MEMO1: variants seen among roughly 807,000 people sequenced by gnomAD.
MEMO1 encodes the protein protein MEMO1.
Under a neutral mutation model 45.2 loss-of-function variants are expected in MEMO1, and 6 were observed. The ratio of observed to expected loss-of-function variants is 0.13; its 90% CI spans 0.07 to 0.26. The LOEUF (loss-of-function observed/expected upper bound fraction) is 0.26, where lower values mean the gene tolerates loss of function less well. Among genes scored for constraint, MEMO1 ranks in the 10% least tolerant of loss-of-function variants. The pLI, the probability that MEMO1 is intolerant of heterozygous loss-of-function variation, is 1.00. For synonymous variants in MEMO1, 78 were observed against 124.3 expected (o/e 0.63, Z 2.48); for missense variants, 184 against 370.5 (o/e 0.50, Z 4.13).
intron 8 of MEMO1, among the ~76,000 whole-genome samples, chr2:31,874,863 T>C (rs1253043417): frequency 6.6e-6 from 1 of 151,878 alleles, no homozygotes; most frequent in African/African-American, 2.4e-5. Context: ...ACATTCACCA[T>C]CTGATTAATC....
intron 2 of MEMO1, among the ~76,000 whole-genome samples, chr2:31,986,425 T>A (rs962595617): frequency 6.6e-6 from 1 of 152,046 alleles, no homozygotes; most frequent in Non-Finnish European, 1.5e-5. Context: ...TGAGCCGAGG[T>A]TGCGCCACTG....
At chr2:32,006,571 T>C (rs1333538171) in intron 2 of MEMO1, among the ~76,000 whole-genome samples, 2 of 149,794 alleles carry the variant, frequency 1.3e-5, no homozygotes, top group Non-Finnish European at 3.0e-5. Flanking sequence ...TAACAACCAT[T>C]CTTAGCTACT....
chr2:32,004,757 T>A (rs532254218), intron 2 of MEMO1, among the ~76,000 whole-genome samples: 1 of 151,928 alleles, frequency 6.6e-6, no homozygotes, highest in East Asian at 1.9e-4. Flanking sequence ...TGAAACCCCA[T>A]CTCTACTAAA....
intron 6 of MEMO1, among the ~76,000 whole-genome samples, chr2:31,908,634 C>A (rs1029850152): frequency 1.1e-4 from 17 of 152,110 alleles, no homozygotes; most frequent in African/African-American, 4.1e-4. Context: ...ATGTGGACTA[C>A]CCTGAGAGAT....
chr2:31,923,638 C>T, intron 4 of MEMO1: 1 of 1,545,316 alleles, frequency 6.5e-7, no homozygotes, highest in Non-Finnish European at 8.7e-7. Context: ...GTATATGAAC[C>T]AAGAATCAAA....
intron 2 of MEMO1, among the ~76,000 whole-genome samples, chr2:32,001,519 T>C (rs1673315293): frequency 6.6e-6 from 1 of 152,202 alleles, no homozygotes; most frequent in Non-Finnish European, 1.5e-5. Flanking sequence ...TGTTTACTGA[T>C]TCCAAATAGT....
intron 7 of MEMO1, among the ~76,000 whole-genome samples, chr2:31,889,497 TTACTAATTTAGGAAAGA>T (rs1227724935): frequency 5.9e-5 from 9 of 152,046 alleles, no homozygotes; most frequent in Admixed American, 5.9e-4. Flanking sequence ...TATGGCACAC[TTACTAATTTAGGAAAGA>T]TACCCATCGC....
chr2:31,995,856 G>T (rs1672532891), intron 2 of MEMO1, among the ~76,000 whole-genome samples: 1 of 152,184 alleles, frequency 6.6e-6, no homozygotes, highest in Middle Eastern at 3.4e-3. Context: ...ATGGTAATAA[G>T]TAAGAAATTG....
At chr2:31,933,346 A>ATATATATATATAT (rs869211483) in intron 3 of MEMO1, among the ~76,000 whole-genome samples, 2 of 25,498 alleles carry the variant, frequency 7.8e-5, no homozygotes, top group African/African-American at 3.2e-4. Flanking sequence ...AAAAAAAAAA[A>ATATATATATATAT]AAATTTATAT....
At chr2:31,979,132 G>C (rs971275536) in intron 2 of MEMO1, among the ~76,000 whole-genome samples, 2 of 152,166 alleles carry the variant, frequency 1.3e-5, no homozygotes, top group Non-Finnish European at 2.9e-5. Flanking sequence ...TCAGGAGAGA[G>C]AAGAGAAAAG....
At chr2:32,001,462 ATGTT>A (rs1389601937) in intron 2 of MEMO1, among the ~76,000 whole-genome samples, 1 of 152,086 alleles carries the variant, frequency 6.6e-6, no homozygotes, top group Non-Finnish European at 1.5e-5. Context: ...GTTTTTAGTT[ATGTT>A]TATTATTTTT....
In MEMO1 at chr2:31,872,016, A is replaced by AACACACACACACACACAC. The variant is rs55682785; in HGVS notation, c.658-2082_658-2065dup. 3.0e-3 allele frequency among the ~76,000 whole-genome samples: 423 copies of AACACACACACACACACAC among 143,296 alleles called. 7 individuals are homozygous for AACACACACACACACACAC. In the Middle Eastern group the frequency reaches 0.032, roughly 11 times the overall value. The allele number at this position is 143,296 out of a possible 152,430, so 94.0% of individuals were successfully genotyped here. On this transcript the variant is annotated intron_variant, in intron 8 of 9. Transcript: ENST00000404530. ...GCGACAGAGCAAGACTCTGTCTCAA[A>AACACACACACACACACAC]ACACACACACACACACACACACACA...
chr2:31,934,042 G>C (rs780065624), intron 3 of MEMO1, among the ~76,000 whole-genome samples: 1 of 152,132 alleles, frequency 6.6e-6, no homozygotes, highest in Non-Finnish European at 1.5e-5. Flanking sequence ...CAGTTTATAA[G>C]TACGCCATCT....
At chr2:31,985,058 T>G (rs1671105213) in intron 2 of MEMO1, among the ~76,000 whole-genome samples, 1 of 152,136 alleles carries the variant, frequency 6.6e-6, no homozygotes, top group Non-Finnish European at 1.5e-5. Context: ...GTCATTAAAA[T>G]AATAATAAAC....
chr2:31,985,933 A>T (rs559973852), intron 2 of MEMO1, among the ~76,000 whole-genome samples: 2 of 152,268 alleles, frequency 1.3e-5, no homozygotes, highest in South Asian at 2.1e-4. Context: ...GTTCAAGACC[A>T]GCCTGATCAA....
chr2:31,967,100 T>A (rs1668715350), intron 2 of MEMO1, among the ~76,000 whole-genome samples: 1 of 151,400 alleles, frequency 6.6e-6, no homozygotes, highest in Non-Finnish European at 1.5e-5. Flanking sequence ...TCCCAATCAT[T>A]TACCAGTCAA....
rs575304314 is a variant in MEMO1, at chr2:31,939,465, AATTAAT to A, written c.143+3831_143+3836del. 1.3e-3 allele frequency among the ~76,000 whole-genome samples: 196 copies of A among 152,286 alleles called. 6 individuals are homozygous for A. In the South Asian group the frequency reaches 0.039, roughly 31 times the overall value. ...GTCACTCCCAATTATTCCAATTTAA[AATTAAT>A]TACAAAAAGGAAACAAGTCTGGCTA... On this transcript the variant is annotated intron_variant, in intron 3 of 9. Coordinates refer to ENST00000404530, the MANE Select transcript of MEMO1 (RefSeq NM_001301833.4).
intron 6 of MEMO1, among the ~76,000 whole-genome samples, chr2:31,893,983 C>A (rs1337246132): frequency 2.6e-5 from 4 of 152,102 alleles, no homozygotes; most frequent in Non-Finnish European, 2.9e-5. Context: ...GACAAATACT[C>A]ATGAATTAGA....
At chr2:31,912,861 C>CAT (rs1680803388) in intron 6 of MEMO1, among the ~76,000 whole-genome samples, 1 of 152,182 alleles carries the variant, frequency 6.6e-6, no homozygotes, top group South Asian at 2.1e-4. Context: ...ATTTTCTAAC[C>CAT]ATGCACGTAT....
Sources: gnomAD v4.1 joint callset for allele counts (sites outside exome capture counted in the v4.1 genomes callset) on GRCh38, gnomAD v4.1.1 for gene constraint, MANE v1.5 for transcripts, NCBI Gene and HGNC (gene_info 2026-07-23, HGNC 2026-07-21) for gene names.